The following MAF variants were observed in gnomAD, a reference collection of about 807,000 sequenced individuals.
MAF encodes transcription factor Maf.
A neutral mutation model predicts 22.0 loss-of-function variants in MAF; 10 were observed. The ratio of observed to expected loss-of-function variants is 0.45; its 90% confidence interval spans 0.28 to 0.77. MAF has a LOEUF of 0.77. Ranked by LOEUF, MAF falls within the 30% of genes least tolerant of loss-of-function variation. The pLI is 0.12. For synonymous variants in MAF, 337 were observed against 255.8 expected (o/e 1.32, Z -3.03); for missense variants, 544 against 548.4 (o/e 0.99, Z 0.08).
At chr16:79,436,863 G>C in the MAF span, among the ~76,000 whole-genome samples, 2 of 152,204 alleles carry the variant, frequency 1.3e-5, 1 homozygote, top group Admixed American at 1.3e-4. Flanking sequence ...TGCACACACA[G>C]GCTCGACGCT....
At chr16:79,429,987 C>T in the MAF span, among the ~76,000 whole-genome samples, 9 of 152,126 alleles carry the variant, frequency 5.9e-5, no homozygotes, top group Non-Finnish European at 1.2e-4. Context: ...ATAGATCCTA[C>T]CGACATCTTC....
At chr16:79,278,121 G>C in the MAF span, among the ~76,000 whole-genome samples, 1,156 of 152,286 alleles carry the variant, frequency 7.6e-3, 20 homozygotes, top group African/African-American at 0.026. Flanking sequence ...ACAGGACACA[G>C]CTGTCTAATT....
At chr16:79,247,131 G>A in the MAF span, among the ~76,000 whole-genome samples, 2 of 152,148 alleles carry the variant, frequency 1.3e-5, no homozygotes, top group South Asian at 2.1e-4. Flanking sequence ...CCGAGGTGGT[G>A]ATATTTCAAG....
At chr16:79,311,818 G>T in the MAF span, among the ~76,000 whole-genome samples, 1 of 152,118 alleles carries the variant, frequency 6.6e-6, no homozygotes, top group African/African-American at 2.4e-5. Flanking sequence ...GAAAGTGGTC[G>T]GCACTTCTGT....
At chr16:79,541,205 C>T in the MAF span, among the ~76,000 whole-genome samples, 11 of 152,298 alleles carry the variant, frequency 7.2e-5, no homozygotes, top group South Asian at 8.3e-4. Flanking sequence ...GCTTCTTCAA[C>T]GACTGCTATC....
chr16:79,450,142 G>C, the MAF span, among the ~76,000 whole-genome samples: 7 of 152,162 alleles, frequency 4.6e-5, no homozygotes, highest in African/African-American at 1.7e-4. Context: ...AAATCATCGT[G>C]TCATCTCACA....
Position 79,594,313 on chromosome 16 carries a change from C to T in MAF, c.*147G>A. On this transcript the variant is annotated 3_prime_UTR_variant, in exon 2 of 2. Transcript: ENST00000326043. ...ACCCCCAGACAAGAGGCATAGTTAACTACTACATTTAATAGCCTTCTTCTC... is the reference window on the plus strand; with the variant it reads ...ACCCCCAGACAAGAGGCATAGTTAATTACTACATTTAATAGCCTTCTTCTC... The T allele has an allele frequency of 1.3e-6, 1 of 772,864 alleles. No homozygotes were observed. 47.9% of individuals were successfully genotyped at this position (772,864 alleles called of 1,614,324 possible). A position where few individuals can be genotyped will look rare whatever the true frequency, so the allele number is the denominator to read the frequency against.
At chr16:79,358,870 G>A in the MAF span, among the ~76,000 whole-genome samples, 1 of 152,218 alleles carries the variant, frequency 6.6e-6, no homozygotes, top group Admixed American at 6.5e-5. Flanking sequence ...TGCTGCAGAG[G>A]CTGCTCCGAT....
the MAF span, among the ~76,000 whole-genome samples, chr16:79,348,208 A>C: frequency 6.6e-6 from 1 of 152,228 alleles, no homozygotes; most frequent in Non-Finnish European, 1.5e-5. Context: ...ACACACTGCA[A>C]AATCTTTATT....
the MAF span, among the ~76,000 whole-genome samples, chr16:79,477,533 T>A: frequency 6.6e-6 from 1 of 152,198 alleles, no homozygotes; most frequent in Admixed American, 6.5e-5. Flanking sequence ...TTTACTGAGT[T>A]TGTACCACAT....
At chr16:79,384,096 G>A in the MAF span, among the ~76,000 whole-genome samples, 8 of 152,054 alleles carry the variant, frequency 5.3e-5, no homozygotes, top group East Asian at 1.5e-3. Context: ...TCGGGATGAG[G>A]GTGCCTAGAA....
chr16:79,336,614 C>A, the MAF span, among the ~76,000 whole-genome samples: 1 of 152,076 alleles, frequency 6.6e-6, no homozygotes, highest in Non-Finnish European at 1.5e-5. Flanking sequence ...CATTCCAGTT[C>A]AGTGTTTGGT....
At position 79,599,985 on chromosome 16, in the gene MAF, A is replaced by T; in HGVS notation, c.-83T>A. The T allele has an allele frequency of 6.3e-7, 1 of 1,579,172 alleles. No homozygotes were observed. The highest frequency in any genetic ancestry group is 8.6e-7 in the Non-Finnish European group (1 of 1,166,440). On this transcript the variant is annotated 5_prime_UTR_variant, in exon 1 of 2. Transcript: ENST00000326043. ...GGCCAGCGGGCTGTGCTGGGTGGCC[A>T]GCGGGTGAGCCAGCTTGCCGGGCTG...
the MAF span, among the ~76,000 whole-genome samples, chr16:79,562,542 C>T: frequency 1.3e-5 from 2 of 152,036 alleles, no homozygotes; most frequent in East Asian, 3.9e-4. Flanking sequence ...TTCTTTACAT[C>T]ATCTACACCC....
the MAF span, among the ~76,000 whole-genome samples, chr16:79,432,894 T>C: frequency 6.6e-6 from 1 of 152,182 alleles, no homozygotes; most frequent in Non-Finnish European, 1.5e-5. Flanking sequence ...AGGAACCAAC[T>C]TTGCCAGCAC....
intron 1 of MAF, chr16:79,596,744 C>G (rs1913549112): frequency 9.6e-7 from 1 of 1,044,818 alleles, no homozygotes. Context: ...GCCTTTAAAA[C>G]TGTGGATTTT....
At chr16:79,401,565 G>A in the MAF span, among the ~76,000 whole-genome samples, 1 of 152,074 alleles carries the variant, frequency 6.6e-6, no homozygotes, top group Non-Finnish European at 1.5e-5. Flanking sequence ...AAGCCAGTCT[G>A]GGACATTAAA....
the MAF span, among the ~76,000 whole-genome samples, chr16:79,543,644 G>A: frequency 6.6e-6 from 1 of 151,644 alleles, no homozygotes; most frequent in Non-Finnish European, 1.5e-5. Flanking sequence ...GATGTTTACA[G>A]CTGAACAATT....
the MAF span, among the ~76,000 whole-genome samples, chr16:79,318,484 G>A: frequency 6.6e-6 from 1 of 152,140 alleles, no homozygotes; most frequent in East Asian, 1.9e-4. Context: ...CTGCCCCAGA[G>A]CCAGACAGAA....
Sources: allele counts gnomAD v4.1 joint callset (sites outside exome capture counted in the v4.1 genomes callset), GRCh38; gene constraint gnomAD v4.1.1; transcripts MANE v1.5; gene names NCBI Gene and HGNC (gene_info 2026-07-23, HGNC 2026-07-21).